Variants in C5 observed in about 807,000 individuals in gnomAD.
The protein encoded by C5 is complement C5.
A neutral mutation model predicts 218.8 loss-of-function variants in C5; 140 were observed. The observed-to-expected ratio is 0.64, with a 90% CI of 0.56 to 0.74. The LOEUF (loss-of-function observed/expected upper bound fraction) is 0.74, where lower values mean the gene tolerates loss of function less well. C5 is among the 30% of genes least tolerant of loss of function. The pLI is 0.00. For synonymous variants in C5, 614 were observed against 682.3 expected (o/e 0.90, Z 1.56); for missense variants, 1,700 against 1,969.6 (o/e 0.86, Z 2.59).
Position 120,963,655 on chromosome 9 carries a change from T to C in C5, c.4304A>G (p.Asn1435Ser). The C allele has an allele frequency of 6.2e-7, 1 of 1,612,944 alleles. No homozygotes were observed. Among genetic ancestry groups the C allele is most frequent in the Non-Finnish European group, 8.5e-7 (1 of 1,178,970 alleles). Residue 1435 changes from asparagine to serine, a missense_variant, in exon 34 of 41, where the codon AAT (asparagine) becomes AGT (serine). Transcript: ENST00000223642. ...ACATACGGCTTTTAAGTCTTCTTCA[T>C]TTGCACTGATTCCAGTAGGCAAGGA... The part of the protein sequence containing the change: ...DISLPTGISA[N>S]EEDLKALVEG...
chr9:120,956,335 A>G lies in C5; in HGVS notation c.4762+950T>C, dbSNP rs1050362793. 5.9e-5 allele frequency among the ~76,000 whole-genome samples: 9 copies of G among 152,250 alleles called. No homozygotes were observed. In the East Asian group the frequency reaches 1.7e-3, roughly 29 times the overall value. On this transcript the variant is annotated intron_variant, in intron 39 of 40. Coordinates refer to ENST00000223642, the MANE Select transcript of C5 (RefSeq NM_001735.3). ...TCCCATTCACAATAGCCACACACAC[A>G]CAAAAATGCCTAGGAATACAGCTAA...
At chr9:120,967,196 G>A (rs2046874997) in intron 33 of C5, among the ~76,000 whole-genome samples, 1 of 150,546 alleles carries the variant, frequency 6.6e-6, no homozygotes, top group African/African-American at 2.5e-5. Flanking sequence ...GGAGGTGGAG[G>A]TTGTAGTGAG....
At chr9:120,967,217 G>A (rs2046875249) in intron 33 of C5, among the ~76,000 whole-genome samples, 1 of 146,556 alleles carries the variant, frequency 6.8e-6, no homozygotes, top group Non-Finnish European at 1.5e-5. Context: ...CCGAGATCAC[G>A]CCACTGCACT....
At chr9:121,024,350 A>G (rs1245608775) in intron 9 of C5, among the ~76,000 whole-genome samples, 1 of 1,584 alleles carries the variant, frequency 6.3e-4, no homozygotes, top group Non-Finnish European at 1.1e-3. Flanking sequence ...GAGGGGAGGG[A>G]GGGGAGCGGG....
chr9:120,995,239 T>C (rs1318464078), intron 22 of C5, among the ~76,000 whole-genome samples: 1 of 152,192 alleles, frequency 6.6e-6, no homozygotes, highest in Non-Finnish European at 1.5e-5. Flanking sequence ...ATGATAGTGA[T>C]CATGATCTGT....
intron 29 of C5, among the ~76,000 whole-genome samples, chr9:120,976,041 CA>C (rs1322988353): frequency 1.3e-5 from 2 of 151,992 alleles, no homozygotes; most frequent in African/African-American, 4.8e-5. Flanking sequence ...TAATTGTACC[CA>C]AAATAAAACA....
intron 2 of C5, among the ~76,000 whole-genome samples, chr9:121,045,400 A>C (rs1287276059): frequency 1.3e-5 from 2 of 152,208 alleles, no homozygotes; most frequent in Non-Finnish European, 1.5e-5. Context: ...TCTTATGCTT[A>C]TGATTTTTGT....
At chr9:121,023,050 C>T (rs1233442730) in intron 10 of C5, among the ~76,000 whole-genome samples, 1 of 152,076 alleles carries the variant, frequency 6.6e-6, no homozygotes, top group African/African-American at 2.4e-5. Context: ...CATCTTAAGG[C>T]TTTTTAAGAA....
In C5 at chr9:121,017,462, G is replaced by A. The variant is rs770924247; in HGVS notation, c.1766C>T (p.Ser589Phe). Reference sequence around the variant, plus strand: ...ATCCATTCCAGTTGCCATATTAAGAGACACAGTTTGGCCTGGAGAATATGC... The same window carrying A: ...ATCCATTCCAGTTGCCATATTAAGAAACACAGTTTGGCCTGGAGAATATGC... Reference protein sequence around the residue: ...ADAYSPGQTVSLNMATGMDSW... With the variant: ...ADAYSPGQTVFLNMATGMDSW... Residue 589 changes from serine (S) to phenylalanine (F), a missense_variant, in exon 14 of 41, where the codon TCT becomes TTT. Ser to Phe is a radical substitution (Grantham distance 155). Transcript: ENST00000223642. The A allele has an allele frequency of 9.3e-6, 15 of 1,613,766 alleles. No homozygotes were observed. The highest frequency in any genetic ancestry group is 2.7e-5 in the African/African-American group (2 of 74,908).
intron 33 of C5, 78 bp downstream of exon 33, chr9:120,968,983 G>T: frequency 8.0e-7 from 1 of 1,254,222 alleles, no homozygotes; most frequent in South Asian, 1.2e-5. Context: ...ACCAAAATTT[G>T]AAAATATGTA....
At chr9:120,990,724 T>G (rs1261119965) in intron 23 of C5, among the ~76,000 whole-genome samples, 4 of 152,224 alleles carry the variant, frequency 2.6e-5, no homozygotes, top group African/African-American at 9.6e-5. Context: ...CTGTGAGAAA[T>G]AAATTTGTAT....
intron 30 of C5, among the ~76,000 whole-genome samples, chr9:120,974,139 G>A (rs1325051382): frequency 6.6e-6 from 1 of 152,218 alleles, no homozygotes. Flanking sequence ...TATGTGGGCA[G>A]CTAATATTAA....
chr9:121,043,517 G>T (rs552922794), intron 2 of C5, among the ~76,000 whole-genome samples: 1 of 151,570 alleles, frequency 6.6e-6, no homozygotes, highest in Non-Finnish European at 1.5e-5. Flanking sequence ...CCTCCTGACC[G>T]ATTCTCTGGA....
At chr9:120,998,002 C>T (rs1273987287) in intron 20 of C5, among the ~76,000 whole-genome samples, 1 of 152,092 alleles carries the variant, frequency 6.6e-6, no homozygotes, top group Non-Finnish European at 1.5e-5. Context: ...ACGGTTTCTC[C>T]ATGTTGGCCA....
intron 5 of C5, among the ~76,000 whole-genome samples, chr9:121,033,179 T>C (rs1368880919): frequency 6.6e-6 from 1 of 152,156 alleles, no homozygotes; most frequent in Non-Finnish European, 1.5e-5. Flanking sequence ...TCATCATCAA[T>C]TCAATGAATA....
chr9:121,062,087 T>C, the C5 span, among the ~76,000 whole-genome samples: 1 of 152,206 alleles, frequency 6.6e-6, no homozygotes. Flanking sequence ...TTTTTTAGCA[T>C]GCCTTCACCA....
chr9:121,046,249 G>T lies in C5; in HGVS notation c.200C>A (p.Ser67Tyr). ...KSYPDKKFSY[S>Y]SGHVHLSSEN... is the part of the protein sequence containing the mutation. ...TGAGGATAAATGAACATGGCCTGAG[G>T]AGTAACTAAATTTTTTATCAGGATA... is the stretch of plus-strand genomic sequence containing the variant. Residue 67 changes from serine to tyrosine, a missense_variant, in exon 2 of 41, where the codon TCC (serine) becomes TAC (tyrosine). Coordinates refer to ENST00000223642, the MANE Select transcript of C5 (RefSeq NM_001735.3). 6 of 1,607,582 alleles carry T rather than the reference G, an allele frequency of 3.7e-6. No homozygotes were observed. Among genetic ancestry groups the T allele is most frequent in the Non-Finnish European group, 5.1e-6 (6 of 1,174,742 alleles).
rs373862265 is a variant in C5 at position 121,046,387 on chromosome 9, T to C, written c.66-4A>G. The C allele has an allele frequency of 6.2e-7, 1 of 1,604,136 alleles. No homozygotes were observed. Among genetic ancestry groups the C allele is most frequent in the African/African-American group, 1.3e-5 (1 of 74,702 alleles). On this transcript the variant is annotated splice_polypyrimidine_tract_variant and splice_region_variant and intron_variant, in intron 1 of 40. Coordinates refer to ENST00000223642, the MANE Select transcript of C5 (RefSeq NM_001735.3). ...TTTTGGTGCTGAAATGACATATCTG[T>C]TGAAAAAGGAAAAGATAAGGCTCAA...
At chr9:121,023,656 G>GT (rs2047386848) in intron 9 of C5, 137 bp from the exon 10 acceptor site, 2 of 689,902 alleles carry the variant, frequency 2.9e-6, no homozygotes, top group Admixed American at 2.0e-5. Flanking sequence ...TTTACCAGTA[G>GT]TAAGTAGGAC....
Sources: gnomAD v4.1 joint callset for allele counts (sites outside exome capture counted in the v4.1 genomes callset) on GRCh38, gnomAD v4.1.1 for gene constraint, MANE v1.5 for transcripts, NCBI Gene and HGNC (gene_info 2026-07-23, HGNC 2026-07-21) for gene names.